MEF2B: variants seen among roughly 807,000 people sequenced by gnomAD.
MEF2B encodes myocyte-specific enhancer factor 2B.
In MEF2B, 15 loss-of-function variants were observed where a neutral mutation model predicts 32.2. The ratio of observed to expected loss-of-function variants is 0.47; its 90% CI spans 0.31 to 0.72. The LOEUF (loss-of-function observed/expected upper bound fraction) is 0.72, where lower values mean the gene tolerates loss of function less well. Ranked by LOEUF, MEF2B falls within the 30% of genes least tolerant of loss-of-function variation. The pLI is 0.05. For missense variants in MEF2B, 441 were observed against 511.5 expected (o/e 0.86, Z 1.33); for synonymous variants, 205 against 225.6 (o/e 0.91, Z 0.82).
rs369256202 is a variant in MEF2B, at chr19:19,147,819, C to T, written c.272G>A (p.Arg91Lys). 2 of 1,613,304 alleles carry T rather than the reference C, an allele frequency of 1.2e-6. No individual in the cohort carries two copies. Among genetic ancestry groups the T allele is most frequent in the African/African-American group, 1.3e-5 (1 of 74,946 alleles). ...CTCTGGCCCATCGAGGCCAATGCCCCTCCGCTTCAGCGTCTATGGGGACAG... is the reference window on the plus strand; with the variant it reads ...CTCTGGCCCATCGAGGCCAATGCCCTTCCGCTTCAGCGTCTATGGGGACAG... ...NTDILETLKR[R>K]GIGLDGPELE... Residue 91 changes from arginine to lysine, a missense_variant, in exon 4 of 9, where the codon AGG becomes AAG. By Grantham distance (26) the Arg-to-Lys change is conservative. Coordinates refer to ENST00000424583, the MANE Select transcript of MEF2B (RefSeq NM_001145785.2).
intron 2 of MEF2B, among the ~76,000 whole-genome samples, chr19:19,150,268 G>A (rs913072456): frequency 1.3e-5 from 2 of 151,344 alleles, no homozygotes; most frequent in Non-Finnish European, 2.9e-5. Context: ...GGTGGCTCAC[G>A]CCTGTAATCC....
chr19:19,159,761 C>A (rs1599730923), intron 1 of MEF2B, among the ~76,000 whole-genome samples: 1 of 152,182 alleles, frequency 6.6e-6, no homozygotes, highest in East Asian at 1.9e-4. Flanking sequence ...GTCCTTCAAG[C>A]CATAGATTAT....
At chr19:19,168,561 C>T (rs1481087499) in intron 1 of MEF2B, among the ~76,000 whole-genome samples, 1 of 151,546 alleles carries the variant, frequency 6.6e-6, no homozygotes, top group African/African-American at 2.4e-5. Context: ...GTGTGAGCCA[C>T]CGCGCCTGGC....
At position 19,145,612 on chromosome 19, in the gene MEF2B, C is replaced by A; in HGVS notation, c.*185G>T. ...CGCGTTTTATTTGTGGATATACACA[C>A]AAATAGGAAGAAGGAAAGGAGCCCC... On this transcript the variant is annotated 3_prime_UTR_variant, in exon 9 of 9. Coordinates refer to ENST00000424583, the MANE Select transcript of MEF2B (RefSeq NM_001145785.2). The surrounding 1 kb of genome is among the most constrained non-coding windows in gnomAD (Gnocchi z 4.6). 2 of 1,397,748 alleles carry A rather than the reference C, an allele frequency of 1.4e-6. No homozygotes were observed. Among genetic ancestry groups the A allele is most frequent in the South Asian group, 1.3e-5 (1 of 74,786 alleles). 86.6% of individuals were successfully genotyped at this position (1,397,748 alleles called of 1,614,324 possible).
chr19:19,146,323 G>A lies in MEF2B; in HGVS notation c.831C>T (p.Pro277=), dbSNP rs900926644. The A allele has an allele frequency of 7.6e-7, 1 of 1,321,386 alleles. No homozygotes were observed. Among genetic ancestry groups the A allele is most frequent in the Non-Finnish European group, 9.8e-7 (1 of 1,021,512 alleles). The allele number at this position is 1,321,386 out of a possible 1,614,324, so 81.9% of individuals were successfully genotyped here. A position where few individuals can be genotyped will look rare whatever the true frequency, so the allele number is the denominator to read the frequency against. ...GCCCATCACCCCTCGAGGGCTGCCAGGGGGCCAGGGTGGGGGGCTGCAACA... is the reference window on the plus strand; with the variant it reads ...GCCCATCACCCCTCGAGGGCTGCCAAGGGGCCAGGGTGGGGGGCTGCAACA... ...PGLLQPPTLA[P]WQPSRGDGPP... is the part of the protein sequence containing the mutation. The change falls in exon 8 of 9, where the codon CCC becomes CCT. Residue 277 remains proline (P), a synonymous_variant. Coordinates refer to ENST00000424583, the MANE Select transcript of MEF2B (RefSeq NM_001145785.2).
chr19:19,146,004 G>A lies in MEF2B; in HGVS notation c.900C>T (p.Gly300=), dbSNP rs1466163641. The change falls in exon 9 of 9, where the codon GGC becomes GGT. Residue 300 remains glycine, a synonymous_variant. Coordinates refer to ENST00000424583, the MANE Select transcript of MEF2B (RefSeq NM_001145785.2). ...CGCCGCGGGTTGGGGGACCCTCCTC[G>A]CCCAGGCTTCGGCCCCCACTGCAGG... ...SSQPSGGRSL[G]EEGPPTRGAS... The A allele has an allele frequency of 7.0e-7, 1 of 1,433,898 alleles. No homozygotes were observed. Among genetic ancestry groups the A allele is most frequent in the Non-Finnish European group, 9.1e-7 (1 of 1,094,834 alleles). The allele number at this position is 1,433,898 out of a possible 1,614,324, so 88.8% of individuals were successfully genotyped here.
Position 19,153,941 on chromosome 19 carries a change from T to TG in MEF2B, c.-29-3178dup, listed in dbSNP as rs548017159. Reference sequence around the variant, plus strand: ...AGTTTTTATTTTCTTTTTGTAGAGATGGAGTCTCACTATGTTGTCTAGGTT... The same window carrying TG: ...AGTTTTTATTTTCTTTTTGTAGAGATGGGAGTCTCACTATGTTGTCTAGGTT... On this transcript the variant is annotated intron_variant, in intron 1 of 8. Transcript: ENST00000424583. 1.9e-3 allele frequency among the ~76,000 whole-genome samples: 289 copies of TG among 152,002 alleles called. 4 individuals carry two copies. Among genetic ancestry groups the TG allele is most frequent in the African/African-American group, 6.5e-3 (270 of 41,458 alleles).
intron 1 of MEF2B, among the ~76,000 whole-genome samples, chr19:19,169,297 T>C (rs1019983959): frequency 1.3e-5 from 2 of 150,494 alleles, no homozygotes; most frequent in African/African-American, 2.4e-5. Flanking sequence ...GAGGTTGCAG[T>C]GAACAAAGAT....
At chr19:19,148,906 T>G (rs1263790231) in intron 3 of MEF2B, among the ~76,000 whole-genome samples, 2 of 151,780 alleles carry the variant, frequency 1.3e-5, no homozygotes, top group Non-Finnish European at 2.9e-5. Context: ...GAGACTGGGT[T>G]TTGCCATGTT....
At chr19:19,169,602 G>A (rs1358264410) in intron 1 of MEF2B, among the ~76,000 whole-genome samples, 1 of 152,078 alleles carries the variant, frequency 6.6e-6, no homozygotes, top group Non-Finnish European at 1.5e-5. Flanking sequence ...AGATAGGGAG[G>A]GAGGACTGTG....
Position 19,145,773 on chromosome 19 carries a change from G to A in MEF2B, c.*24C>T, listed in dbSNP as rs1178747030. On this transcript the variant is annotated 3_prime_UTR_variant, in exon 9 of 9. Coordinates refer to ENST00000424583, the MANE Select transcript of MEF2B (RefSeq NM_001145785.2). The surrounding 1 kb of genome is among the most constrained non-coding windows in gnomAD (Gnocchi z 4.6). ...CCTCGCCGTACCTGGCGAGCGCTCT[G>A]GGCTGGTGCCACCGGGTGATCTCCT... The A allele has an allele frequency of 7.7e-6, 12 of 1,552,818 alleles. No homozygotes were observed. The highest frequency in any genetic ancestry group is 1.0e-5 in the Non-Finnish European group (12 of 1,148,164).
At chr19:19,156,803 C>T (rs2060123518) in intron 1 of MEF2B, among the ~76,000 whole-genome samples, 1 of 152,156 alleles carries the variant, frequency 6.6e-6, no homozygotes, top group African/African-American at 2.4e-5. Flanking sequence ...AGCTATGTGT[C>T]ACCACACCCA....
chr19:19,149,497 A>C (rs1391528629), intron 2 of MEF2B, 68 bp from the exon 3 acceptor site: 3 of 1,596,980 alleles, frequency 1.9e-6, no homozygotes, highest in Non-Finnish European at 2.6e-6. Flanking sequence ...GTGTAGGGGA[A>C]TTGGCAGGGC....
intron 1 of MEF2B, among the ~76,000 whole-genome samples, chr19:19,162,087 C>T (rs978678853): frequency 9.2e-5 from 14 of 151,884 alleles, no homozygotes; most frequent in African/African-American, 3.4e-4. Flanking sequence ...GGATTACAGG[C>T]CACCATACCT....
At chr19:19,146,108 G>T in intron 8 of MEF2B, 86 bp from the exon 9 acceptor site, 1 of 1,182,240 alleles carries the variant, frequency 8.5e-7, no homozygotes, top group Non-Finnish European at 1.1e-6. Flanking sequence ...GCAAAGGCTT[G>T]GCAGGAGGAC....
In MEF2B at chr19:19,147,148, TACC is replaced by T; in HGVS notation, c.426_428del (p.Val143del). On this transcript the variant is annotated inframe_deletion, in exon 5 of 9. Coordinates refer to ENST00000424583, the MANE Select transcript of MEF2B (RefSeq NM_001145785.2). ...AGCCTGGTGGCGGTAAGGCCCCGTA[TACC>T]ACATCTGGGCTGGGCATAGCAGGAG... 1.9e-6 allele frequency: 3 copies of T among 1,592,898 alleles called. No individual in the cohort carries two copies. Among genetic ancestry groups the T allele is most frequent in the Non-Finnish European group, 2.6e-6 (3 of 1,170,216 alleles).
At chr19:19,154,741 G>A (rs2060109012) in intron 1 of MEF2B, among the ~76,000 whole-genome samples, 1 of 152,232 alleles carries the variant, frequency 6.6e-6, no homozygotes, top group Admixed American at 6.5e-5. Flanking sequence ...ACTATGAGAA[G>A]GTTTTAAGCA....
chr19:19,160,752 G>T (rs1274437142), intron 1 of MEF2B, among the ~76,000 whole-genome samples: 1 of 152,104 alleles, frequency 6.6e-6, no homozygotes. Flanking sequence ...TTCATCACCT[G>T]CTCCCCAAGT....
At chr19:19,150,574 T>A in intron 2 of MEF2B, 108 bp downstream of exon 2, 1 of 1,373,866 alleles carries the variant, frequency 7.3e-7, no homozygotes, top group Non-Finnish European at 1.0e-6. Flanking sequence ...GGACTCCTCA[T>A]GCCTCCTCAT....
Sources: gnomAD v4.1 joint callset for allele counts (sites outside exome capture counted in the v4.1 genomes callset) on GRCh38, gnomAD v4.1.1 for gene constraint, Gnocchi (gnomAD v3.1) non-coding constraint, MANE v1.5 for transcripts, NCBI Gene and HGNC (gene_info 2026-07-23, HGNC 2026-07-21) for gene names.